The following PDE4D variants were observed in gnomAD, a reference collection of about 807,000 sequenced individuals.
The protein encoded by PDE4D is 3',5'-cyclic-AMP phosphodiesterase 4D.
Under a neutral mutation model 87.4 loss-of-function variants are expected in PDE4D, and 24 were observed. The observed-to-expected ratio is 0.27, with a 90% CI of 0.20 to 0.39. The LOEUF is 0.39. Among genes scored for constraint, PDE4D ranks in the 10% least tolerant of loss-of-function variants. PDE4D has a pLI of 1.00. For missense variants in PDE4D, 714 were observed against 1,041.0 expected (o/e 0.69, Z 4.32); for synonymous variants, 384 against 383.2 (o/e 1.00, Z -0.02).
chr5:59,825,533 G>T (rs1263518649), intron 1 of PDE4D, among the ~76,000 whole-genome samples: 1 of 152,160 alleles, frequency 6.6e-6, no homozygotes, highest in African/African-American at 2.4e-5. Context: ...TGACCCCCAG[G>T]TGTTTAGTTC....
At chr5:59,529,758 A>AT (rs1469894526) in intron 1 of PDE4D, among the ~76,000 whole-genome samples, 1 of 152,264 alleles carries the variant, frequency 6.6e-6, no homozygotes, top group Non-Finnish European at 1.5e-5. Context: ...TCTCAAAAGC[A>AT]TAACACTGTC....
intron 1 of PDE4D, among the ~76,000 whole-genome samples, chr5:59,801,272 A>G (rs970984066): frequency 1.3e-5 from 2 of 152,218 alleles, no homozygotes; most frequent in East Asian, 3.8e-4. Flanking sequence ...TCTAAATTAT[A>G]AAATGGCTAC....
At chr5:60,212,282 A>G (rs1743315694) in intron 1 of PDE4D, among the ~76,000 whole-genome samples, 2 of 152,190 alleles carry the variant, frequency 1.3e-5, no homozygotes, top group South Asian at 2.1e-4. Flanking sequence ...TTATAATAGA[A>G]AAATCATAAC....
At chr5:59,952,659 G>C (rs551624756) in intron 3 of PDE4D, among the ~76,000 whole-genome samples, 1 of 152,162 alleles carries the variant, frequency 6.6e-6, no homozygotes, top group Non-Finnish European at 1.5e-5. Flanking sequence ...GCATAAAAAG[G>C]ACACAGATTC....
chr5:59,918,739 C>T (rs1754347864), intron 3 of PDE4D, among the ~76,000 whole-genome samples: 1 of 152,070 alleles, frequency 6.6e-6, no homozygotes, highest in Non-Finnish European at 1.5e-5. Context: ...AAGTTGCGAC[C>T]GTCAGTCTTG....
At chr5:60,511,641 C>T (rs1258264835) in intron 1 of PDE4D, among the ~76,000 whole-genome samples, 1 of 151,654 alleles carries the variant, frequency 6.6e-6, no homozygotes, top group African/African-American at 2.4e-5. Context: ...CCCTGTGTTA[C>T]AGATAAGGAA....
chr5:60,350,136 G>A (rs1451999615), intron 1 of PDE4D, among the ~76,000 whole-genome samples: 3 of 152,092 alleles, frequency 2.0e-5, no homozygotes, highest in African/African-American at 7.2e-5. Flanking sequence ...AAATACCACA[G>A]GAGTTCACTC....
chr5:59,682,779 A>C (rs1749237151), intron 1 of PDE4D, among the ~76,000 whole-genome samples: 1 of 152,208 alleles, frequency 6.6e-6, no homozygotes, highest in African/African-American at 2.4e-5. Flanking sequence ...ATGAGAAATA[A>C]ATTTCTGTTG....
At chr5:59,179,668 G>A in intron 5 of PDE4D, 1 of 462,770 alleles carries the variant, frequency 2.2e-6, no homozygotes. Context: ...TTCAAGCAAA[G>A]TGTACTCACT....
intron 1 of PDE4D, among the ~76,000 whole-genome samples, chr5:60,234,563 C>A (rs1275949769): frequency 6.6e-6 from 1 of 151,828 alleles, no homozygotes; most frequent in Non-Finnish European, 1.5e-5. Flanking sequence ...TTACCACCAA[C>A]AATGAATGAA....
rs142181454 is a variant in PDE4D, at chr5:59,975,099, A to C, written c.272+13389T>G. ...CCTTCTTGTAAAAACTTCTCGTTTGACATCTATGCCAATCAACTCTACTTC... is the reference window on the plus strand; with the variant it reads ...CCTTCTTGTAAAAACTTCTCGTTTGCCATCTATGCCAATCAACTCTACTTC... On this transcript the variant is annotated intron_variant, in intron 3 of 16. Transcript: ENST00000502484. Among the ~76,000 whole-genome samples, 1,013 of 152,266 alleles carry C rather than the reference A, an allele frequency of 6.7e-3. 16 individuals are homozygous for C. Among genetic ancestry groups the C allele is most frequent in the African/African-American group, 0.023 (957 of 41,542 alleles).
chr5:59,489,414 A>G (rs1006388406), intron 1 of PDE4D, among the ~76,000 whole-genome samples: 1 of 152,136 alleles, frequency 6.6e-6, no homozygotes, highest in Non-Finnish European at 1.5e-5. Flanking sequence ...TTCTTTCTTG[A>G]TATATCAGAA....
chr5:59,853,733 A>G (rs1745011418), intron 1 of PDE4D, among the ~76,000 whole-genome samples: 1 of 152,084 alleles, frequency 6.6e-6, no homozygotes, highest in Non-Finnish European at 1.5e-5. Context: ...ATTAACATTC[A>G]CTTTTAGTGT....
intron 1 of PDE4D, among the ~76,000 whole-genome samples, chr5:59,883,280 C>T (rs140826301): frequency 6.6e-6 from 1 of 152,310 alleles, no homozygotes; most frequent in East Asian, 1.9e-4. Flanking sequence ...GACCAGAGAA[C>T]ACATACAGCA....
At chr5:60,448,393 A>C (rs1745820655) in intron 1 of PDE4D, among the ~76,000 whole-genome samples, 1 of 152,188 alleles carries the variant, frequency 6.6e-6, no homozygotes, top group South Asian at 2.1e-4. Context: ...AGGCAGGCAC[A>C]CAGATGTCTG....
intron 1 of PDE4D, chr5:59,356,783 T>C: frequency 3.2e-6 from 5 of 1,567,968 alleles, no homozygotes; most frequent in Non-Finnish European, 4.3e-6. Flanking sequence ...AAACGCAATC[T>C]TGATTTGGCT....
chr5:58,976,510 CAG>C (rs778158287), intron 12 of PDE4D, 38 bp from the exon 13 acceptor site: 2 of 1,421,560 alleles, frequency 1.4e-6, no homozygotes. Context: ...TCAGAGAAAA[CAG>C]AATTTACACA....
chr5:60,014,091 TA>T (rs36035984), intron 2 of PDE4D, among the ~76,000 whole-genome samples: 19,264 of 96,438 alleles, frequency 0.2, 1,403 homozygotes, highest in Middle Eastern at 0.29. Context: ...GACTCCACCT[TA>T]AAAAAAAAAA....
At chr5:60,152,080 A>C (rs1188985810) in intron 2 of PDE4D, among the ~76,000 whole-genome samples, 2 of 152,222 alleles carry the variant, frequency 1.3e-5, no homozygotes, top group African/African-American at 4.8e-5. Flanking sequence ...CCATCTTTGC[A>C]TTCCAGGGAT....
Sources: allele counts gnomAD v4.1 joint callset (sites outside exome capture counted in the v4.1 genomes callset), GRCh38; gene constraint gnomAD v4.1.1; transcripts MANE v1.5; gene names NCBI Gene and HGNC (gene_info 2026-07-23, HGNC 2026-07-21).